SLC25A21: variants seen among roughly 807,000 people sequenced by gnomAD.
SLC25A21 encodes solute carrier family 25 member 21.
Under a neutral mutation model 43.8 loss-of-function variants are expected in SLC25A21, and 47 were observed. The observed-to-expected ratio is 1.07, with a 90% confidence interval of 0.85 to 1.37. The LOEUF is 1.37. Ranked by LOEUF, SLC25A21 falls within the 40% of genes most tolerant of loss-of-function variation. The probability of loss-of-function intolerance (pLI) is 0.00; values close to 1 mark genes in which losing one functional copy is unlikely to be tolerated. For missense variants in SLC25A21, 352 were observed against 350.2 expected (o/e 1.00, Z -0.04); for synonymous variants, 131 against 121.3 (o/e 1.08, Z -0.52).
chr14:37,085,663 A>C (rs925859645), intron 1 of SLC25A21, among the ~76,000 whole-genome samples: 1 of 152,220 alleles, frequency 6.6e-6, no homozygotes, highest in Non-Finnish European at 1.5e-5. Context: ...CCTTTGCATT[A>C]TCTTCAATGA....
chr14:36,789,930 T>TGTA (rs1887420682), intron 3 of SLC25A21, among the ~76,000 whole-genome samples: 1 of 124,150 alleles, frequency 8.1e-6, no homozygotes, highest in Non-Finnish European at 1.6e-5. Flanking sequence ...TATTTATATA[T>TGTA]TATATATAAA....
At chr14:37,168,921 G>C (rs1008000249) in intron 1 of SLC25A21, among the ~76,000 whole-genome samples, 33 of 152,290 alleles carry the variant, frequency 2.2e-4, no homozygotes, top group African/African-American at 7.7e-4. Context: ...CCAAGTGAAA[G>C]GGTAGATAAG....
chr14:37,086,620 C>T (rs1267429170), intron 1 of SLC25A21, among the ~76,000 whole-genome samples: 3 of 152,212 alleles, frequency 2.0e-5, no homozygotes, highest in African/African-American at 7.2e-5. Context: ...GTACCACTCA[C>T]TAGCTGCATG....
At chr14:37,015,950 T>G (rs978185556) in intron 1 of SLC25A21, among the ~76,000 whole-genome samples, 1 of 151,422 alleles carries the variant, frequency 6.6e-6, no homozygotes, top group East Asian at 1.9e-4. Context: ...TAGCCCTTTG[T>G]CAGATGAGTA....
intron 7 of SLC25A21, among the ~76,000 whole-genome samples, chr14:36,710,381 A>G (rs1023533350): frequency 1.4e-4 from 17 of 123,852 alleles, no homozygotes; most frequent in African/African-American, 4.8e-4. Context: ...CTCCAAGAAA[A>G]AAAAAGAAAA....
intron 3 of SLC25A21, among the ~76,000 whole-genome samples, chr14:36,747,966 T>C (rs889510508): frequency 2.0e-5 from 3 of 152,208 alleles, no homozygotes; most frequent in African/African-American, 7.2e-5. Flanking sequence ...GGGAGGGATA[T>C]GTTAGAAACA....
chr14:37,154,527 C>T (rs1449756191), intron 1 of SLC25A21, among the ~76,000 whole-genome samples: 2 of 151,728 alleles, frequency 1.3e-5, no homozygotes, highest in African/African-American at 4.8e-5. Flanking sequence ...AGTTCTTAAT[C>T]AAAAAGACAT....
chr14:37,104,082 C>G (rs1478043907), intron 1 of SLC25A21, among the ~76,000 whole-genome samples: 1 of 152,190 alleles, frequency 6.6e-6, no homozygotes, highest in Non-Finnish European at 1.5e-5. Context: ...GACAAACTTC[C>G]CTCCTCTTCA....
chr14:36,982,699 C>T (rs1033521448), intron 1 of SLC25A21, among the ~76,000 whole-genome samples: 8 of 152,008 alleles, frequency 5.3e-5, no homozygotes, highest in African/African-American at 1.9e-4. Context: ...CCTGTAGTCC[C>T]AGCTACTCTG....
At chr14:36,942,594 A>G (rs1892590257) in intron 1 of SLC25A21, among the ~76,000 whole-genome samples, 1 of 152,228 alleles carries the variant, frequency 6.6e-6, no homozygotes, top group Non-Finnish European at 1.5e-5. Flanking sequence ...TTATGCAAGG[A>G]CAGAAAGAAA....
intron 2 of SLC25A21, among the ~76,000 whole-genome samples, chr14:36,844,736 C>A (rs1050050726): frequency 6.6e-6 from 1 of 152,114 alleles, no homozygotes; most frequent in African/African-American, 2.4e-5. Context: ...CAGCACCATT[C>A]GAAAATCTGG....
rs544700446 is a variant in SLC25A21, at chr14:36,800,619, T to C, written c.203+13299A>G. 1.1e-4 allele frequency among the ~76,000 whole-genome samples: 17 copies of C among 152,210 alleles called. No homozygotes were observed. In the South Asian group the frequency reaches 3.5e-3, roughly 32 times the overall value. On this transcript the variant is annotated intron_variant, in intron 3 of 9. Transcript: ENST00000331299. ...GGGAATTACTGTTTAAGGGTACAGATTTTCTGTTTGAGAAGATGAAAAGTT... is the reference window on the plus strand; with the variant it reads ...GGGAATTACTGTTTAAGGGTACAGACTTTCTGTTTGAGAAGATGAAAAGTT...
intron 1 of SLC25A21, among the ~76,000 whole-genome samples, chr14:37,165,915 C>G (rs997376619): frequency 3.3e-5 from 5 of 152,144 alleles, no homozygotes; most frequent in African/African-American, 7.2e-5. Flanking sequence ...TAGAGTTGAT[C>G]AAGTACATGA....
chr14:36,824,671 T>C (rs1594620081), intron 2 of SLC25A21, among the ~76,000 whole-genome samples: 1 of 152,142 alleles, frequency 6.6e-6, no homozygotes. Context: ...AGTGGTACTG[T>C]ACTAAAAATT....
intron 1 of SLC25A21, among the ~76,000 whole-genome samples, chr14:37,049,336 C>T (rs1961656212): frequency 1.3e-5 from 2 of 152,104 alleles, no homozygotes; most frequent in African/African-American, 2.4e-5. Context: ...CTTTGGCAGG[C>T]CAAGGTGGGA....
chr14:37,152,675 G>A (rs550784750), intron 1 of SLC25A21, among the ~76,000 whole-genome samples: 12 of 152,108 alleles, frequency 7.9e-5, no homozygotes, highest in Admixed American at 2.6e-4. Flanking sequence ...GGTTTGTTTG[G>A]GGAGTTAGAA....
intron 1 of SLC25A21, among the ~76,000 whole-genome samples, chr14:37,104,831 T>C (rs1211498254): frequency 1.3e-5 from 2 of 152,214 alleles, no homozygotes; most frequent in African/African-American, 2.4e-5. Context: ...TTCCACTTAC[T>C]CCTAATGTTC....
At chr14:37,102,805 G>A (rs1041282066) in intron 1 of SLC25A21, among the ~76,000 whole-genome samples, 23 of 151,920 alleles carry the variant, frequency 1.5e-4, no homozygotes, top group Admixed American at 5.9e-4. Flanking sequence ...GGCTAACATG[G>A]TGAAATCCTG....
At chr14:36,987,967 C>T (rs1594739635) in intron 1 of SLC25A21, among the ~76,000 whole-genome samples, 3 of 152,088 alleles carry the variant, frequency 2.0e-5, no homozygotes, top group African/African-American at 7.2e-5. Context: ...AGTTAAAGGG[C>T]TTTTGAATTA....
Sources: gnomAD v4.1 joint callset for allele counts (sites outside exome capture counted in the v4.1 genomes callset) on GRCh38, gnomAD v4.1.1 for gene constraint, MANE v1.5 for transcripts, NCBI Gene and HGNC (gene_info 2026-07-23, HGNC 2026-07-21) for gene names.